CCDC7: variants seen among roughly 807,000 people sequenced by gnomAD.
CCDC7 encodes coiled-coil domain containing 7.
In CCDC7, 183 loss-of-function variants were observed where a neutral mutation model predicts 196.9. The ratio of observed to expected loss-of-function variants is 0.93; its 90% CI spans 0.82 to 1.05. The LOEUF (loss-of-function observed/expected upper bound fraction) is 1.05, where lower values mean the gene tolerates loss of function less well. Ranked by LOEUF, CCDC7 falls within the 50% of genes least tolerant of loss-of-function variation. The probability of loss-of-function intolerance (pLI) is 0.00; values close to 1 mark genes in which losing one functional copy is unlikely to be tolerated. For missense variants in CCDC7, 1,540 were observed against 1,482.2 expected (o/e 1.04, Z -0.64); for synonymous variants, 525 against 484.6 (o/e 1.08, Z -1.10).
intron 28 of CCDC7, among the ~76,000 whole-genome samples, chr10:32,743,232 G>A (rs1044505949): frequency 1.3e-5 from 2 of 152,060 alleles, no homozygotes; most frequent in African/African-American, 4.8e-5. Flanking sequence ...TTAAGAAACA[G>A]CCACTTTTTG....
At chr10:32,862,360 G>C (rs1387100276) in intron 41 of CCDC7, among the ~76,000 whole-genome samples, 3 of 140,018 alleles carry the variant, frequency 2.1e-5, no homozygotes, top group Non-Finnish European at 4.5e-5. Flanking sequence ...AGTGGGAGTT[G>C]AACAGTGAGA....
intron 24 of CCDC7, among the ~76,000 whole-genome samples, chr10:32,708,008 C>T (rs1316022689): frequency 9.2e-5 from 14 of 152,174 alleles, no homozygotes; most frequent in Admixed American, 1.3e-4. Context: ...GAGCCCGCAT[C>T]GCCGAGACAA....
At chr10:32,633,696 A>ATGTGTG (rs1554928040) in intron 18 of CCDC7, among the ~76,000 whole-genome samples, 4 of 135,226 alleles carry the variant, frequency 3.0e-5, no homozygotes, top group African/African-American at 1.1e-4. Flanking sequence ...ATATATATAT[A>ATGTGTG]TGTGTGTGTG....
chr10:32,769,139 C>CT (rs541684061), intron 28 of CCDC7, among the ~76,000 whole-genome samples: 15 of 150,980 alleles, frequency 9.9e-5, no homozygotes, highest in South Asian at 2.1e-4. Context: ...CAGTTCTGAG[C>CT]TTTTTTTTTA....
At chr10:32,859,161 A>T (rs565937733) in intron 41 of CCDC7, among the ~76,000 whole-genome samples, 1 of 152,296 alleles carries the variant, frequency 6.6e-6, no homozygotes, top group African/African-American at 2.4e-5. Flanking sequence ...TGACCACTTA[A>T]TTGGAAGTAA....
At chr10:32,517,206 C>G (rs954415928) in intron 9 of CCDC7, among the ~76,000 whole-genome samples, 1 of 152,048 alleles carries the variant, frequency 6.6e-6, no homozygotes, top group African/African-American at 2.4e-5. Flanking sequence ...TAGTTCTTTA[C>G]AACTCCTGCT....
chr10:32,825,248 T>A (rs1308693537), intron 32 of CCDC7, among the ~76,000 whole-genome samples: 2 of 152,202 alleles, frequency 1.3e-5, no homozygotes, highest in African/African-American at 4.8e-5. Context: ...GTCAATTTGA[T>A]TGGATTGAAG....
intron 20 of CCDC7, among the ~76,000 whole-genome samples, chr10:32,656,560 G>C (rs916204839): frequency 2.0e-5 from 3 of 152,176 alleles, no homozygotes; most frequent in African/African-American, 7.2e-5. Context: ...AAAACCATCA[G>C]ATCTTGTGAT....
At chr10:32,840,248 C>A (rs1288312810) in intron 33 of CCDC7, among the ~76,000 whole-genome samples, 1 of 151,792 alleles carries the variant, frequency 6.6e-6, no homozygotes, top group Admixed American at 6.6e-5. Flanking sequence ...AATTGATAGA[C>A]CATTAGCAAG....
chr10:32,523,442 G>A (rs954044456), intron 11 of CCDC7, among the ~76,000 whole-genome samples: 16 of 151,854 alleles, frequency 1.1e-4, no homozygotes, highest in African/African-American at 3.1e-4. Flanking sequence ...CCAGCTACTC[G>A]GGAGGCTGAC....
chr10:32,588,704 A>T (rs2059518119), intron 18 of CCDC7, among the ~76,000 whole-genome samples: 1 of 152,038 alleles, frequency 6.6e-6, no homozygotes, highest in Admixed American at 6.6e-5. Flanking sequence ...ATTTTTTAGA[A>T]GAGTGTGAGG....
intron 20 of CCDC7, among the ~76,000 whole-genome samples, chr10:32,639,671 A>C (rs1231020969): frequency 6.8e-6 from 1 of 146,130 alleles, no homozygotes; most frequent in Non-Finnish European, 1.5e-5. Flanking sequence ...TTTGTCGTCC[A>C]GGCTGGAGTG....
At chr10:32,686,013 A>C (rs144991128) in exon 22 of CCDC7, 1 of 1,590,708 alleles carries the variant, frequency 6.3e-7, no homozygotes, top group Admixed American at 1.8e-5. Flanking sequence ...TTGAGCATCA[A>C]GAATCATTGT....
At position 32,846,049 on chromosome 10, in the gene CCDC7, C is replaced by T. The variant is rs547892859; in HGVS notation, c.3604+90C>T. 9.8e-5 allele frequency: 91 copies of T among 924,824 alleles called. No individual in the cohort carries two copies. The South Asian group carries it at 1.3e-3, about 13-fold the overall frequency. The allele number at this position is 924,824 out of a possible 1,614,324, so 57.3% of individuals were successfully genotyped here. On this transcript the variant is annotated intron_variant, in intron 36 of 41. Transcript: ENST00000639629. The stretch of plus-strand genomic sequence containing the variant: ...GTATAGACCTTTAATGACAACAGTA[C>T]CTGTATCATAGTACTTTCCATAGCA...
At chr10:32,829,772 C>T (rs1353104138) in intron 32 of CCDC7, among the ~76,000 whole-genome samples, 3 of 151,800 alleles carry the variant, frequency 2.0e-5, no homozygotes, top group Non-Finnish European at 4.4e-5. Flanking sequence ...ATGGGTGTGT[C>T]TGTGAGGGTG....
intron 28 of CCDC7, among the ~76,000 whole-genome samples, chr10:32,748,861 A>G (rs1481583715): frequency 2.0e-5 from 3 of 152,184 alleles, no homozygotes; most frequent in East Asian, 1.9e-4. Context: ...CTGCTCTGGC[A>G]TATTTTGAAG....
chr10:32,459,646 ATTTTTTTTTTTTTTTT>A (rs60002951), intron 3 of CCDC7, among the ~76,000 whole-genome samples: 1 of 68,720 alleles, frequency 1.5e-5, no homozygotes, highest in Middle Eastern at 9.8e-3. Context: ...CCTGCTGCAC[ATTTTTTTTTTTTTTTT>A]TTTTTTTTTT....
intron 8 of CCDC7, chr10:32,481,806 T>G (rs1216023220): frequency 6.6e-6 from 1 of 152,034 alleles, no homozygotes; most frequent in Non-Finnish European, 1.5e-5. Context: ...GGTTGGCAGT[T>G]TTTTTCTTCC....
chr10:32,807,916 T>C (rs1161276177), intron 30 of CCDC7, among the ~76,000 whole-genome samples: 1 of 152,064 alleles, frequency 6.6e-6, no homozygotes, highest in Non-Finnish European at 1.5e-5. Flanking sequence ...TTTTCAGTAG[T>C]GATGGGGTTT....
Sources: allele counts gnomAD v4.1 joint callset (sites outside exome capture counted in the v4.1 genomes callset), GRCh38; gene constraint gnomAD v4.1.1; transcripts MANE v1.5; gene names NCBI Gene and HGNC (gene_info 2026-07-23, HGNC 2026-07-21).